Variants in MAP2 observed in about 807,000 individuals in gnomAD.
The protein encoded by MAP2 is microtubule associated protein 2, also known as microtubule-associated protein 2.
A neutral mutation model predicts 137.6 loss-of-function variants in MAP2; 14 were observed. The ratio of observed to expected loss-of-function variants is 0.10; its 90% CI spans 0.07 to 0.16. MAP2 has a LOEUF of 0.16. MAP2 is among the 10% of genes least tolerant of loss of function. The pLI is 1.00. For missense variants in MAP2, 2,088 were observed against 2,191.5 expected, an observed-to-expected ratio of 0.95 and a Z score of 0.94; for synonymous variants, 786 against 782.3, an observed-to-expected ratio of 1.00 and a Z score of -0.08.
At chr2:209,716,348 G>T (rs77731901) in intron 13 of MAP2, among the ~76,000 whole-genome samples, 2 of 152,170 alleles carry the variant, frequency 1.3e-5, no homozygotes, top group African/African-American at 4.8e-5. Context: ...CATTCTTTTA[G>T]TGACACCGTT....
intron 2 of MAP2, among the ~76,000 whole-genome samples, chr2:209,537,112 A>G (rs1414599620): frequency 2.6e-5 from 4 of 152,166 alleles, no homozygotes; most frequent in Admixed American, 6.5e-5. Context: ...TCTGTGGCAC[A>G]CTTATATTAA....
rs978800970 is a variant in MAP2 at position 209,469,101 on chromosome 2, G to A, written c.-221-38491G>A. Among the ~76,000 whole-genome samples, 5 of 152,284 alleles carry A rather than the reference G, an allele frequency of 3.3e-5. 1 individual carries two copies. Among genetic ancestry groups the A allele is most frequent in the Admixed American group, 1.3e-4 (2 of 15,296 alleles). ...AATCATCTTGTTCAATTTTAAATGCGTGAATCCTCTTTAAACAGATTTATG... is the reference window on the plus strand; with the variant it reads ...AATCATCTTGTTCAATTTTAAATGCATGAATCCTCTTTAAACAGATTTATG... On this transcript the variant is annotated intron_variant, in intron 1 of 15. Coordinates refer to ENST00000682079, the MANE Select transcript of MAP2 (RefSeq NM_001375505.1).
chr2:209,570,854 A>C (rs1207258639), intron 2 of MAP2, among the ~76,000 whole-genome samples: 1 of 151,918 alleles, frequency 6.6e-6, no homozygotes, highest in Non-Finnish European at 1.5e-5. Context: ...TTTTTGTGAA[A>C]AGGATGATAC....
intron 4 of MAP2, among the ~76,000 whole-genome samples, chr2:209,635,612 T>C (rs565493506): frequency 1.3e-5 from 2 of 152,228 alleles, no homozygotes; most frequent in East Asian, 3.9e-4. Flanking sequence ...GAAAGGAATA[T>C]AGTGTGTTGC....
In MAP2 at chr2:209,696,089, C is replaced by T. The variant is rs1251634218; in HGVS notation, c.3919C>T (p.His1307Tyr). The T allele has an allele frequency of 6.2e-7, 1 of 1,613,970 alleles. No homozygotes were observed. Among genetic ancestry groups the T allele is most frequent in the Non-Finnish European group, 8.5e-7 (1 of 1,179,982 alleles). The change falls in exon 8 of 16, where the codon CAC becomes TAC. Residue 1307 changes from histidine to tyrosine, a missense_variant. This residue lies in a region of MAP2 where 591 missense variants were observed against 642.6 expected (regional missense o/e 0.92). Coordinates refer to ENST00000682079, the MANE Select transcript of MAP2 (RefSeq NM_001375505.1). The stretch of plus-strand genomic sequence containing the variant: ...AACTGATGAAGGGGAGTCAGGGTCC[C>T]ACAGCGTGCGTTTTGCAGCCCTAGA... ...TTTDEGESGS[H>Y]SVRFAALEQP...
chr2:209,537,606 G>A (rs1421235635), intron 2 of MAP2, among the ~76,000 whole-genome samples: 2 of 152,114 alleles, frequency 1.3e-5, no homozygotes, highest in Non-Finnish European at 2.9e-5. Context: ...TTACATGATT[G>A]TATTACAGCC....
Position 209,694,901 on chromosome 2 carries a change from G to C in MAP2, c.2731G>C (p.Asp911His), listed in dbSNP as rs931297560. 6.2e-7 allele frequency: 1 copy of C among 1,614,072 alleles called. No individual in the cohort carries two copies. Among genetic ancestry groups the C allele is most frequent in the Non-Finnish European group, 8.5e-7 (1 of 1,180,044 alleles). The part of the protein sequence containing the change: ...DDKVRRDLAT[D>H]LSLIEVKLAA... ...TAAAGTTCGAAGAGATTTGGCCACA[G>C]ACCTTTCACTGATTGAAGTGAAACT... The change falls in exon 8 of 16, where the codon GAC becomes CAC. Residue 911 changes from aspartate to histidine, a missense_variant. By Grantham distance (81) the Asp-to-His change is moderately conservative. Around this residue, in one of 6 missense-constraint regions of MAP2, gnomAD observed 500 missense variants for 482.9 expected, o/e 1.04. Coordinates refer to ENST00000682079, the MANE Select transcript of MAP2 (RefSeq NM_001375505.1).
Position 209,711,052 on chromosome 2 carries a change from C to A in MAP2, c.5073+798C>A, listed in dbSNP as rs1003227309. ...TTAATGTTTATCTCATAATATTGAT[C>A]TATTCAGGATAGTTTAACTTTTGTC... On this transcript the variant is annotated intron_variant, in intron 13 of 15. Coordinates refer to ENST00000682079, the MANE Select transcript of MAP2 (RefSeq NM_001375505.1). 1.2e-4 allele frequency among the ~76,000 whole-genome samples: 18 copies of A among 152,108 alleles called. 1 individual carries two copies. Among genetic ancestry groups the A allele is most frequent in the Non-Finnish European group, 7.4e-5 (5 of 68,010 alleles).
At chr2:209,545,612 A>G (rs1577763350) in intron 2 of MAP2, among the ~76,000 whole-genome samples, 1 of 152,324 alleles carries the variant, frequency 6.6e-6, no homozygotes, top group Admixed American at 6.5e-5. Flanking sequence ...AGAGTAAAAG[A>G]TGATAACAAA....
rs1482417976 is a variant in MAP2 at position 209,436,274 on chromosome 2, T to G, written c.-222+11998T>G. On this transcript the variant is annotated intron_variant, in intron 1 of 15. Transcript: ENST00000682079. The stretch of plus-strand genomic sequence containing the variant: ...TTTTAAAGGTTTGCATTAAGACGTA[T>G]TAATATTTTTATAGTTAATGTACTG... 2.0e-5 allele frequency among the ~76,000 whole-genome samples: 3 copies of G among 151,448 alleles called. No homozygotes were observed. The East Asian group carries it at 5.8e-4, about 29-fold the overall frequency.
chr2:209,725,153 C>G (rs77743458), intron 13 of MAP2, among the ~76,000 whole-genome samples: 5 of 151,984 alleles, frequency 3.3e-5, no homozygotes, highest in African/African-American at 1.2e-4. Flanking sequence ...TTTCAGTAAA[C>G]CACACAGAAG....
At chr2:209,655,130 A>G (rs1212145274) in intron 5 of MAP2, among the ~76,000 whole-genome samples, 1 of 152,232 alleles carries the variant, frequency 6.6e-6, no homozygotes, top group East Asian at 1.9e-4. Context: ...CTTCTCTGAG[A>G]AAATGATATA....
chr2:209,543,394 C>A lies in MAP2; in HGVS notation c.-172+35753C>A, dbSNP rs933757988. Among the ~76,000 whole-genome samples, 4 of 152,094 alleles carry A rather than the reference C, an allele frequency of 2.6e-5. 1 individual carries two copies. Among genetic ancestry groups the A allele is most frequent in the African/African-American group, 9.7e-5 (4 of 41,400 alleles). On this transcript the variant is annotated intron_variant, in intron 2 of 15. Coordinates refer to ENST00000682079, the MANE Select transcript of MAP2 (RefSeq NM_001375505.1). ...TACTTTGAGAATTGGCAAAATGTGA[C>A]ACAGAAACAGTAAGTGAGCACATGC... is the stretch of plus-strand genomic sequence containing the variant.
intron 4 of MAP2, among the ~76,000 whole-genome samples, chr2:209,651,392 C>T (rs987560033): frequency 6.6e-6 from 1 of 152,104 alleles, no homozygotes; most frequent in South Asian, 2.1e-4. Flanking sequence ...AGTTTTCAGG[C>T]TCCTATTCCT....
At chr2:209,461,641 G>A (rs539768935) in intron 1 of MAP2, among the ~76,000 whole-genome samples, 58 of 152,094 alleles carry the variant, frequency 3.8e-4, no homozygotes, top group African/African-American at 1.2e-3. Context: ...GTGGAGACGG[G>A]GTTTCTCCAT....
chr2:209,574,088 T>G (rs996932217), intron 2 of MAP2, among the ~76,000 whole-genome samples: 2 of 152,152 alleles, frequency 1.3e-5, no homozygotes, highest in African/African-American at 4.8e-5. Context: ...TTATTTGGTT[T>G]TTGTACAGTA....
intron 2 of MAP2, among the ~76,000 whole-genome samples, chr2:209,568,022 A>T (rs1263420818): frequency 6.6e-6 from 1 of 151,730 alleles, no homozygotes; most frequent in African/African-American, 2.4e-5. Flanking sequence ...TTTCATGCAC[A>T]TGTAGATGTA....
chr2:209,581,872 G>T (rs577235733), intron 3 of MAP2, among the ~76,000 whole-genome samples: 9 of 152,228 alleles, frequency 5.9e-5, no homozygotes, highest in African/African-American at 2.2e-4. Context: ...TCTAAATTTT[G>T]GAGGACCAGT....
rs939026385 is a variant in MAP2 at position 209,434,930 on chromosome 2, A to G, written c.-222+10654A>G. 6.4e-5 allele frequency among the ~76,000 whole-genome samples: 9 copies of G among 141,240 alleles called. 1 individual carries two copies. The highest frequency in any genetic ancestry group is 2.1e-4 in the Admixed American group (3 of 13,990). The allele number at this position is 141,240 out of a possible 152,430, so 92.7% of individuals were successfully genotyped here. On this transcript the variant is annotated intron_variant, in intron 1 of 15. Coordinates refer to ENST00000682079, the MANE Select transcript of MAP2 (RefSeq NM_001375505.1). Reference sequence around the variant, plus strand: ...TATGTTATATATATGTTATATATATATGTTATATATATGTGTTTTATATAT... The same window carrying G: ...TATGTTATATATATGTTATATATATGTGTTATATATATGTGTTTTATATAT...
Sources: gnomAD v4.1 joint callset for allele counts (sites outside exome capture counted in the v4.1 genomes callset) on GRCh38, gnomAD v4.1.1 for gene constraint, gnomAD v4.1.1 regional missense constraint, MANE v1.5 for transcripts, NCBI Gene and HGNC (gene_info 2026-07-23, HGNC 2026-07-21) for gene names.